The following YPEL2 variants were observed in gnomAD, a reference collection of about 807,000 sequenced individuals.
YPEL2 encodes protein yippee-like 2.
YPEL2 carries 2 observed loss-of-function variants against 19.1 expected under a neutral mutation model. That is an observed-to-expected ratio of 0.10 (90% CI 0.04 to 0.33). YPEL2 has a LOEUF of 0.33. Among genes scored for constraint, YPEL2 ranks in the 10% least tolerant of loss-of-function variants. The pLI is 1.00. For synonymous variants in YPEL2, 52 were observed against 50.0 expected, an observed-to-expected ratio of 1.04 and a Z score of -0.17; for missense variants, 66 against 140.7, an observed-to-expected ratio of 0.47 and a Z score of 2.68.
rs2048045935 is a variant in YPEL2, at chr17:59,397,476, G to A, written c.*286G>A. 8.4e-6 allele frequency: 2 copies of A among 237,068 alleles called. No individual in the cohort carries two copies. The highest frequency in any genetic ancestry group is 1.5e-4 in the South Asian group (1 of 6,594). 14.7% of individuals were successfully genotyped at this position (237,068 alleles called of 1,614,324 possible). The stretch of plus-strand genomic sequence containing the variant: ...GGAACAGATCCTTGACCGCATGGCG[G>A]CAGCCCACCTTGGTAAGGGCCCCAG... On this transcript the variant is annotated 3_prime_UTR_variant, in exon 5 of 5. Transcript: ENST00000312655.
At chr17:59,376,066 C>G (rs867649149) in intron 2 of YPEL2, among the ~76,000 whole-genome samples, 3 of 152,168 alleles carry the variant, frequency 2.0e-5, no homozygotes, top group African/African-American at 7.2e-5. Flanking sequence ...ATTCTGACAT[C>G]CTATATACCT....
rs2048062705 is a variant in YPEL2, at chr17:59,400,103, A to G, written c.*2913A>G. On this transcript the variant is annotated 3_prime_UTR_variant, in exon 5 of 5. Transcript: ENST00000312655. ...ACCCAGACCCCTCGGGACCCGGGAC[A>G]TTAGTCTCAGGCTGCTGATGGATTG... 6.6e-6 allele frequency: 1 copy of G among 152,636 alleles called. No homozygotes were observed. The highest frequency in any genetic ancestry group is 1.9e-4 in the East Asian group (1 of 5,194). 9.5% of individuals were successfully genotyped at this position (152,636 alleles called of 1,614,324 possible). A position where few individuals can be genotyped will look rare whatever the true frequency, so the allele number is the denominator to read the frequency against.
At chr17:59,341,699 G>C (rs1332103922) in intron 1 of YPEL2, among the ~76,000 whole-genome samples, 41 of 152,102 alleles carry the variant, frequency 2.7e-4, no homozygotes, top group Non-Finnish European at 1.5e-5. Context: ...AACAGGCTGC[G>C]TGCATTTGCT....
In YPEL2 at chr17:59,397,259, A is replaced by T. The variant is rs2048044430; in HGVS notation, c.*69A>T. The T allele has an allele frequency of 7.9e-7, 1 of 1,273,196 alleles. No homozygotes were observed. Among genetic ancestry groups the T allele is most frequent in the African/African-American group, 1.5e-5 (1 of 65,734 alleles). 78.9% of individuals were successfully genotyped at this position (1,273,196 alleles called of 1,614,324 possible). ...CAACCGAACATTCTTCCCAAGCGTG[A>T]GAGAGTGACTGACACTTGGTTCCAT... is the stretch of plus-strand genomic sequence containing the variant. On this transcript the variant is annotated 3_prime_UTR_variant, in exon 5 of 5. Coordinates refer to ENST00000312655, the MANE Select transcript of YPEL2 (RefSeq NM_001005404.4).
chr17:59,342,151 G>A (rs1428549634), intron 1 of YPEL2, among the ~76,000 whole-genome samples: 2 of 152,224 alleles, frequency 1.3e-5, no homozygotes, highest in Non-Finnish European at 2.9e-5. Flanking sequence ...AAGGCATGCT[G>A]ACAGCTGAAC....
intron 2 of YPEL2, among the ~76,000 whole-genome samples, chr17:59,373,368 C>T (rs2047905971): frequency 6.6e-6 from 1 of 152,190 alleles, no homozygotes; most frequent in Admixed American, 6.5e-5. Context: ...CAAGGCCTCA[C>T]AGCCTCTTTG....
At position 59,398,173 on chromosome 17, in the gene YPEL2, T is replaced by TA. The variant is rs1161811931; in HGVS notation, c.*985dup. On this transcript the variant is annotated 3_prime_UTR_variant, in exon 5 of 5. Coordinates refer to ENST00000312655, the MANE Select transcript of YPEL2 (RefSeq NM_001005404.4). ...AACTGCCCTTCCTTCTGACCCCTCA[T>TA]AAGAGGAGTGTGGTGAGGGAGGGGA... The TA allele has an allele frequency of 6.6e-6, 1 of 151,958 alleles. No homozygotes were observed. The highest frequency in any genetic ancestry group is 2.4e-5 in the African/African-American group (1 of 41,398). 9.4% of individuals were successfully genotyped at this position (151,958 alleles called of 1,614,324 possible).
At chr17:59,395,339 C>A (rs937236702) in intron 4 of YPEL2, among the ~76,000 whole-genome samples, 2 of 152,176 alleles carry the variant, frequency 1.3e-5, no homozygotes, top group Non-Finnish European at 2.9e-5. Flanking sequence ...ACAGTTGATA[C>A]AACGGTGACC....
chr17:59,380,097 G>A (rs1028900120), intron 2 of YPEL2, among the ~76,000 whole-genome samples: 2 of 151,326 alleles, frequency 1.3e-5, no homozygotes, highest in African/African-American at 2.4e-5. Context: ...CCGACCTCAA[G>A]TGATCACCTG....
At chr17:59,337,922 G>C (rs574653761) in intron 1 of YPEL2, among the ~76,000 whole-genome samples, 161 of 152,282 alleles carry the variant, frequency 1.1e-3, no homozygotes, top group African/African-American at 3.6e-3. Context: ...CTACTGCTGC[G>C]CATTCTGGAA....
rs1330819087 is a variant in YPEL2, at chr17:59,331,823, G to T, written c.-197G>T. The T allele has an allele frequency of 6.6e-6, 1 of 151,694 alleles. No homozygotes were observed. Among genetic ancestry groups the T allele is most frequent in the South Asian group, 2.1e-4 (1 of 4,834 alleles). The allele number at this position is 151,694 out of a possible 1,614,324, so 9.4% of individuals were successfully genotyped here. On this transcript the variant is annotated splice_region_variant and 5_prime_UTR_variant, in exon 1 of 5. Transcript: ENST00000312655. ...TGGCCGGACAGGGCCGCCTGTCGCC[G>T]GGTAAGTGCACCGGAGTGCGGCGCG...
At chr17:59,365,456 C>G (rs550177703) in intron 2 of YPEL2, among the ~76,000 whole-genome samples, 3 of 152,300 alleles carry the variant, frequency 2.0e-5, no homozygotes, top group South Asian at 2.1e-4. Context: ...CTGACCCACC[C>G]GAGGACCTCA....
rs753128133 is a variant in YPEL2 at position 59,353,603 on chromosome 17, A to G, written c.117+77A>G. On this transcript the variant is annotated intron_variant, in intron 2 of 4. Coordinates refer to ENST00000312655, the MANE Select transcript of YPEL2 (RefSeq NM_001005404.4). The surrounding 1 kb of genome is among the most constrained non-coding windows in gnomAD (Gnocchi z 4.8). ...GCTCCTGAAGTTGCAGAGGTTTACA[A>G]GCTCTCAAGAATATTTGTACTCCAT... 9.3e-7 allele frequency: 1 copy of G among 1,079,956 alleles called. No individual in the cohort carries two copies. The highest frequency in any genetic ancestry group is 1.5e-5 in the African/African-American group (1 of 64,740). The allele number at this position is 1,079,956 out of a possible 1,614,324, so 66.9% of individuals were successfully genotyped here.
chr17:59,345,879 T>C (rs2047753377), intron 1 of YPEL2, among the ~76,000 whole-genome samples: 1 of 152,158 alleles, frequency 6.6e-6, no homozygotes, highest in Non-Finnish European at 1.5e-5. Flanking sequence ...GGAGGTAGGC[T>C]CTATTGTTAT....
At chr17:59,348,768 C>T (rs1316711728) in intron 1 of YPEL2, among the ~76,000 whole-genome samples, 1 of 152,154 alleles carries the variant, frequency 6.6e-6, no homozygotes, top group African/African-American at 2.4e-5. Flanking sequence ...TGGAACTCCA[C>T]AGTTATGTTC....
chr17:59,335,356 C>A (rs1004575102), intron 1 of YPEL2, among the ~76,000 whole-genome samples: 32 of 152,216 alleles, frequency 2.1e-4, no homozygotes, highest in Middle Eastern at 3.4e-3. Context: ...TAATCTAATT[C>A]CTTTCCTTGT....
chr17:59,348,919 G>C (rs1567734964), intron 1 of YPEL2, among the ~76,000 whole-genome samples: 1 of 152,134 alleles, frequency 6.6e-6, no homozygotes, highest in Non-Finnish European at 1.5e-5. Context: ...GGGCGCAGTG[G>C]CTCACGCCTG....
intron 2 of YPEL2, among the ~76,000 whole-genome samples, chr17:59,386,158 A>G (rs983480580): frequency 7.0e-5 from 7 of 99,790 alleles, no homozygotes; most frequent in African/African-American, 3.1e-4. Flanking sequence ...CCCTGTCTCT[A>G]TAAATTTTTT....
At chr17:59,364,397 C>T (rs1480705337) in intron 2 of YPEL2, among the ~76,000 whole-genome samples, 1 of 152,206 alleles carries the variant, frequency 6.6e-6, no homozygotes, top group Non-Finnish European at 1.5e-5. Context: ...CTGTTCATCT[C>T]TCTGGCTCTC....
Sources: gnomAD v4.1 joint callset for allele counts (sites outside exome capture counted in the v4.1 genomes callset) on GRCh38, gnomAD v4.1.1 for gene constraint, Gnocchi (gnomAD v3.1) non-coding constraint, MANE v1.5 for transcripts, NCBI Gene and HGNC (gene_info 2026-07-23, HGNC 2026-07-21) for gene names.